Variants in MYO3B observed in about 807,000 individuals in gnomAD.
MYO3B encodes the protein myosin-IIIb.
A neutral mutation model predicts 174.6 loss-of-function variants in MYO3B; 156 were observed. The ratio of observed to expected loss-of-function variants is 0.89; its 90% CI spans 0.78 to 1.02. The LOEUF is 1.02. Ranked by LOEUF, MYO3B falls within the 50% of genes least tolerant of loss-of-function variation. The pLI, the probability that MYO3B is intolerant of heterozygous loss-of-function variation, is 0.00. For missense variants in MYO3B, 1,632 were observed against 1,639.4 expected (o/e 1.00, Z 0.08); for synonymous variants, 563 against 569.1 (o/e 0.99, Z 0.15).
chr2:170,316,175 G>A (rs979882324), intron 7 of MYO3B, among the ~76,000 whole-genome samples: 1 of 152,186 alleles, frequency 6.6e-6, no homozygotes, highest in Admixed American at 6.5e-5. Context: ...TATGCATATA[G>A]ACACATATAA....
chr2:170,553,857 ATAGT>A (rs771959534), intron 32 of MYO3B, among the ~76,000 whole-genome samples: 39 of 152,314 alleles, frequency 2.6e-4, no homozygotes, highest in Non-Finnish European at 4.4e-4. Flanking sequence ...TGTTCTCATG[ATAGT>A]GAGTGAGTTC....
rs761385176 is a variant in MYO3B at position 170,515,035 on chromosome 2, G to A, written c.3472+13G>A. Reference sequence around the variant, plus strand: ...GGTGACCATAAAGGTAGAGTCTTTCGAGATTTAGAATGAGTGTTCTAAATT... The same window carrying A: ...GGTGACCATAAAGGTAGAGTCTTTCAAGATTTAGAATGAGTGTTCTAAATT... On this transcript the variant is annotated intron_variant, in intron 29 of 34. Coordinates refer to ENST00000408978, the MANE Select transcript of MYO3B (RefSeq NM_138995.5). 1.1e-5 allele frequency: 18 copies of A among 1,610,096 alleles called. No individual in the cohort carries two copies. Among genetic ancestry groups the A allele is most frequent in the Middle Eastern group, 1.6e-4 (1 of 6,070 alleles).
intron 31 of MYO3B, 65 bp from the exon 32 acceptor site, chr2:170,543,827 C>A: frequency 7.6e-7 from 1 of 1,322,906 alleles, no homozygotes; most frequent in Non-Finnish European, 1.1e-6. Context: ...AAATAGAAGC[C>A]ATGTCCTTAA....
intron 32 of MYO3B, among the ~76,000 whole-genome samples, chr2:170,584,836 A>G (rs1693399611): frequency 1.3e-5 from 2 of 152,352 alleles, no homozygotes; most frequent in South Asian, 4.1e-4. Flanking sequence ...ATTCTAACCC[A>G]TAGGAGAAAA....
intron 8 of MYO3B, among the ~76,000 whole-genome samples, chr2:170,365,679 A>G (rs542315728): frequency 3.1e-4 from 47 of 152,172 alleles, no homozygotes; most frequent in Non-Finnish European, 5.9e-4. Context: ...CAAGTTCTTC[A>G]TGCCCTTTCC....
At chr2:170,551,679 T>C (rs1371522099) in intron 32 of MYO3B, among the ~76,000 whole-genome samples, 2 of 152,024 alleles carry the variant, frequency 1.3e-5, no homozygotes, top group Admixed American at 1.3e-4. Context: ...CCCAATCCAA[T>C]TTCTAATTAA....
chr2:170,619,734 A>ATTTTT (rs1553539465), intron 32 of MYO3B, among the ~76,000 whole-genome samples: 1 of 33,510 alleles, frequency 3.0e-5, no homozygotes, highest in Admixed American at 3.6e-4. Context: ...CTGCTGCCAT[A>ATTTTT]TTCTTTTTTT....
chr2:170,633,349 A>T (rs1697185202), intron 32 of MYO3B, among the ~76,000 whole-genome samples: 1 of 152,244 alleles, frequency 6.6e-6, no homozygotes, highest in Non-Finnish European at 1.5e-5. Context: ...CCATCATATA[A>T]ACAGAACCAA....
chr2:170,459,060 G>A (rs773979240), intron 23 of MYO3B, among the ~76,000 whole-genome samples: 1 of 152,146 alleles, frequency 6.6e-6, no homozygotes, highest in Non-Finnish European at 1.5e-5. Flanking sequence ...GCTGGCTTCA[G>A]GAGTGAAGCT....
intron 32 of MYO3B, among the ~76,000 whole-genome samples, chr2:170,547,247 G>A (rs1463748450): frequency 3.3e-5 from 5 of 151,478 alleles, no homozygotes; most frequent in Non-Finnish European, 5.9e-5. Context: ...GGAGAATGGC[G>A]TGAACCTGGG....
At position 170,599,656 on chromosome 2, in the gene MYO3B, G is replaced by A. The variant is rs548083726; in HGVS notation, c.3734-51972G>A. Among the ~76,000 whole-genome samples the A allele has an allele frequency of 3.3e-5, 5 of 152,268 alleles. No homozygotes were observed. In the East Asian group the frequency reaches 9.7e-4, roughly 29 times the overall value. ...CCAGCTACTTGGGAGGCTGAGGCAG[G>A]AGAATTGCTTGAACCTGGGAGGTGG... On this transcript the variant is annotated intron_variant, in intron 32 of 34. Coordinates refer to ENST00000408978, the MANE Select transcript of MYO3B (RefSeq NM_138995.5).
intron 8 of MYO3B, chr2:170,351,214 A>T (rs2094065318): frequency 6.6e-6 from 1 of 152,194 alleles, no homozygotes; most frequent in African/African-American, 2.4e-5. Flanking sequence ...GAGTAAAAAG[A>T]CTAACAGGGC....
chr2:170,421,395 G>A lies in MYO3B; in HGVS notation c.2650+13551G>A, dbSNP rs1275437115. Among the ~76,000 whole-genome samples, 9 of 152,168 alleles carry A rather than the reference G, an allele frequency of 5.9e-5. 1 individual carries two copies. Among genetic ancestry groups the A allele is most frequent in the South Asian group, 4.1e-4 (2 of 4,834 alleles). The stretch of plus-strand genomic sequence containing the variant: ...TGCTGGCCCCCTTCTTGGATTGGGC[G>A]GAGTGGGGCTTTCCCAGAAGCAAAC... On this transcript the variant is annotated intron_variant, in intron 22 of 34. Coordinates refer to ENST00000408978, the MANE Select transcript of MYO3B (RefSeq NM_138995.5).
chr2:170,253,230 A>G (rs2093271962), intron 7 of MYO3B, among the ~76,000 whole-genome samples: 1 of 152,190 alleles, frequency 6.6e-6, no homozygotes, highest in Admixed American at 6.5e-5. Context: ...AGTGAGACAT[A>G]GTTGGATTAT....
At chr2:170,221,989 T>C (rs892996240) in intron 6 of MYO3B, among the ~76,000 whole-genome samples, 1 of 152,224 alleles carries the variant, frequency 6.6e-6, no homozygotes, top group Non-Finnish European at 1.5e-5. Flanking sequence ...TAGGAGATTA[T>C]CATGAGCAAA....
intron 22 of MYO3B, among the ~76,000 whole-genome samples, chr2:170,433,700 G>T (rs2094729265): frequency 6.6e-6 from 1 of 152,180 alleles, no homozygotes; most frequent in Non-Finnish European, 1.5e-5. Flanking sequence ...GCCCTATCTT[G>T]TCTGGGTCTG....
intron 32 of MYO3B, among the ~76,000 whole-genome samples, chr2:170,560,455 G>T (rs1400720630): frequency 6.6e-6 from 1 of 152,178 alleles, no homozygotes; most frequent in Non-Finnish European, 1.5e-5. Flanking sequence ...AGTCTACCCA[G>T]ACACCAGGCT....
chr2:170,439,394 A>ATAAT (rs1553492631), intron 22 of MYO3B, among the ~76,000 whole-genome samples: 4 of 151,448 alleles, frequency 2.6e-5, no homozygotes, highest in Admixed American at 6.6e-5. Context: ...AATAATAATA[A>ATAAT]TTTTTTGTTA....
intron 32 of MYO3B, among the ~76,000 whole-genome samples, chr2:170,568,521 CTTTG>C (rs563100497): frequency 1.4e-3 from 213 of 152,274 alleles, no homozygotes; most frequent in African/African-American, 5.1e-3. Context: ...TATTGTGTGA[CTTTG>C]TTTGGATCTT....
Sources: gnomAD v4.1 joint callset for allele counts (sites outside exome capture counted in the v4.1 genomes callset) on GRCh38, gnomAD v4.1.1 for gene constraint, MANE v1.5 for transcripts, NCBI Gene and HGNC (gene_info 2026-07-23, HGNC 2026-07-21) for gene names.